LMO1: variants seen among roughly 807,000 people sequenced by gnomAD.
The protein encoded by LMO1 is rhombotin-1.
In LMO1, 10 loss-of-function variants were observed where a neutral mutation model predicts 18.0. That is an observed-to-expected ratio of 0.55 (90% CI 0.34 to 0.94). The LOEUF is 0.94. LMO1 is among the 40% of genes least tolerant of loss of function. LMO1 has a pLI of 0.02. For synonymous variants in LMO1, 77 were observed against 77.9 expected (o/e 0.99, Z 0.06); for missense variants, 183 against 205.7 (o/e 0.89, Z 0.68).
At chr11:8,232,271 G>A (rs1443449356) in intron 1 of LMO1, among the ~76,000 whole-genome samples, 1 of 152,136 alleles carries the variant, frequency 6.6e-6, no homozygotes, top group Non-Finnish European at 1.5e-5. Context: ...TCTGAGAGAG[G>A]GATGGGGCAC....
chr11:8,257,479 G>A (rs956305751), intron 1 of LMO1, among the ~76,000 whole-genome samples: 2 of 152,194 alleles, frequency 1.3e-5, no homozygotes, highest in African/African-American at 2.4e-5. Flanking sequence ...GCATAACTGG[G>A]ACACCCAAGC....
intron 1 of LMO1, among the ~76,000 whole-genome samples, chr11:8,256,388 G>T (rs1288675126): frequency 6.6e-6 from 1 of 152,174 alleles, no homozygotes; most frequent in Non-Finnish European, 1.5e-5. Flanking sequence ...CAAAACCCAG[G>T]TTTTCTGAAT....
chr11:8,251,513 C>T (rs1052512674), intron 1 of LMO1, among the ~76,000 whole-genome samples: 2 of 152,218 alleles, frequency 1.3e-5, no homozygotes, highest in Non-Finnish European at 2.9e-5. Context: ...CCACCCTCAC[C>T]TCCTCTGCGG....
At chr11:8,248,446 T>G (rs561713934) in intron 1 of LMO1, among the ~76,000 whole-genome samples, 1 of 152,300 alleles carries the variant, frequency 6.6e-6, no homozygotes, top group South Asian at 2.1e-4. Flanking sequence ...ATGCACCACA[T>G]AGACACCTGA....
chr11:8,261,565 G>T (rs542944943), intron 1 of LMO1, among the ~76,000 whole-genome samples: 47 of 152,302 alleles, frequency 3.1e-4, no homozygotes, highest in Middle Eastern at 3.4e-3. Context: ...CCTGGCTTGG[G>T]CCTGGGGAGC....
chr11:8,224,713 A>G lies in LMO1; in HGVS notation c.374T>C (p.Val125Ala), dbSNP rs1236798417. 6.2e-7 allele frequency: 1 copy of G among 1,600,582 alleles called. No homozygotes were observed. The highest frequency in any genetic ancestry group is 8.5e-7 in the Non-Finnish European group (1 of 1,172,686). ...GTTCTTCAGGAAGAATTTGTCTCCC[A>G]CACAAAATCTAGAAAATCCAAGCGA... ...ACQLCNQRFC[V>A]GDKFFLKNNM... is the part of the protein sequence containing the mutation. Residue 125 changes from valine (V) to alanine (A), a missense_variant, in exon 4 of 4, where the codon GTG becomes GCG. Val to Ala is a moderately conservative substitution (Grantham distance 64). Coordinates refer to ENST00000335790, the MANE Select transcript of LMO1 (RefSeq NM_002315.3).
At chr11:8,263,317 A>G (rs758280748) in intron 1 of LMO1, 21 bp downstream of exon 1, 2 of 1,596,274 alleles carry the variant, frequency 1.3e-6, no homozygotes, top group Admixed American at 3.4e-5. Context: ...AGGGGCGTCG[A>G]GACCCCGGCC....
At chr11:8,252,532 A>G (rs1847019279) in intron 1 of LMO1, among the ~76,000 whole-genome samples, 2 of 152,248 alleles carry the variant, frequency 1.3e-5, no homozygotes, top group Non-Finnish European at 2.9e-5. Context: ...GGAAGGAAAC[A>G]CAGCAAAGGT....
At position 8,227,115 on chromosome 11, in the gene LMO1, G is replaced by A. The variant is rs546507630; in HGVS notation, c.240-15C>T. 14 of 1,607,856 alleles carry A rather than the reference G, an allele frequency of 8.7e-6. No homozygotes were observed. The East Asian group carries it at 1.8e-4, about 21-fold the overall frequency. ...TGCCAAAGAGCCTGCCGAGGGAAGG[G>A]CGCAGAGGACTCAGCAGCATTCTGG... On this transcript the variant is annotated splice_polypyrimidine_tract_variant and intron_variant, in intron 2 of 3. Transcript: ENST00000335790.
At chr11:8,265,206 G>A (rs1333589879), upstream of LMO1, among the ~76,000 whole-genome samples, 3 of 152,160 alleles carry the variant, frequency 2.0e-5, no homozygotes, top group African/African-American at 4.8e-5. Context: ...AGTTTCCTTG[G>A]CTGTGAGGTG....
intron 3 of LMO1, among the ~76,000 whole-genome samples, chr11:8,226,303 T>C (rs1469137904): frequency 1.3e-5 from 2 of 152,014 alleles, no homozygotes; most frequent in Non-Finnish European, 2.9e-5. Flanking sequence ...AAGACCAGCC[T>C]GGCCAACATG....
chr11:8,253,656 G>A (rs965725423), intron 1 of LMO1, among the ~76,000 whole-genome samples: 8 of 152,036 alleles, frequency 5.3e-5, no homozygotes, highest in Admixed American at 2.0e-4. Flanking sequence ...GAGAGGACAC[G>A]CAGGATGGAG....
At chr11:8,263,103 GGCGTGCGGCCCCGGGC>G (rs1265613630) in intron 1 of LMO1, among the ~76,000 whole-genome samples, 1 of 151,488 alleles carries the variant, frequency 6.6e-6, no homozygotes, top group Non-Finnish European at 1.5e-5. Context: ...GGACCCGGGG[GGCGTGCGGCCCCGGGC>G]GCGTGCAGCC....
intron 2 of LMO1, among the ~76,000 whole-genome samples, chr11:8,228,434 G>C (rs1017785754): frequency 2.0e-4 from 30 of 152,208 alleles, no homozygotes; most frequent in African/African-American, 7.0e-4. Context: ...TCATCAGCTT[G>C]AGCTGCCTGG....
chr11:8,263,733 A>G lies in LMO1; in HGVS notation c.-371T>C. 1.8e-6 allele frequency: 2 copies of G among 1,108,276 alleles called. No homozygotes were observed. Among genetic ancestry groups the G allele is most frequent in the South Asian group, 8.6e-5 (2 of 23,256 alleles). The allele number at this position is 1,108,276 out of a possible 1,614,324, so 68.7% of individuals were successfully genotyped here. A position where few individuals can be genotyped will look rare whatever the true frequency, so the allele number is the denominator to read the frequency against. ...TTAATGTAATTGCATTTGATAGCTC[A>G]TAACCCTGTCTCTGGCAACGACACA... On this transcript the variant is annotated 5_prime_UTR_variant, in exon 1 of 4. It removes an upstream start codon present in the reference 5' UTR. Coordinates refer to ENST00000335790, the MANE Select transcript of LMO1 (RefSeq NM_002315.3).
chr11:8,251,831 TG>T (rs1847000267), intron 1 of LMO1, among the ~76,000 whole-genome samples: 1 of 150,956 alleles, frequency 6.6e-6, no homozygotes, highest in African/African-American at 2.4e-5. Context: ...TGCATGTGTC[TG>T]CCTGTGTGGT....
At chr11:8,250,649 C>T (rs769610359) in intron 1 of LMO1, among the ~76,000 whole-genome samples, 1 of 152,202 alleles carries the variant, frequency 6.6e-6, no homozygotes, top group African/African-American at 2.4e-5. Flanking sequence ...GCTTCTGGCT[C>T]GGGGGAGAGC....
intron 2 of LMO1, 52 bp from the exon 3 acceptor site, chr11:8,227,152 G>C: frequency 6.3e-7 from 1 of 1,581,884 alleles, no homozygotes; most frequent in Non-Finnish European, 8.6e-7. Flanking sequence ...AAGCTGGGTG[G>C]GCAGGGGGAA....
intron 1 of LMO1, among the ~76,000 whole-genome samples, chr11:8,249,888 G>A (rs974054229): frequency 6.6e-6 from 1 of 152,180 alleles, no homozygotes; most frequent in African/African-American, 2.4e-5. Flanking sequence ...TCTACCAGCA[G>A]GGGCTAGCCC....
Sources: gnomAD v4.1 joint callset for allele counts (sites outside exome capture counted in the v4.1 genomes callset) on GRCh38, gnomAD v4.1.1 for gene constraint, MANE v1.5 for transcripts, NCBI Gene and HGNC (gene_info 2026-07-23, HGNC 2026-07-21) for gene names.